PLEKHG1: variants seen among roughly 807,000 people sequenced by gnomAD.
PLEKHG1 encodes pleckstrin homology domain-containing family G member 1.
A neutral mutation model predicts 100.8 loss-of-function variants in PLEKHG1; 44 were observed. That is an observed-to-expected ratio of 0.44 (90% confidence interval 0.34 to 0.56). The LOEUF is 0.56. Among genes scored for constraint, PLEKHG1 ranks in the 20% least tolerant of loss-of-function variants. PLEKHG1 has a pLI of 0.01. For missense variants in PLEKHG1, 1,545 were observed against 1,720.9 expected, an observed-to-expected ratio of 0.90 and a Z score of 1.81; for synonymous variants, 640 against 662.5, an observed-to-expected ratio of 0.97 and a Z score of 0.52.
rs577689445 is a variant in PLEKHG1 at position 150,631,926 on chromosome 6, C to G, written c.-203-6154C>G. Among the ~76,000 whole-genome samples the G allele has an allele frequency of 1.4e-3, 209 of 152,248 alleles. 1 individual carries two copies. The highest frequency in any genetic ancestry group is 4.6e-3 in the African/African-American group (193 of 41,558). On this transcript the variant is annotated intron_variant, in intron 1 of 3. Transcript: ENST00000367326. ...CCTTCCTGCTAGTGCTGTCCTGCCC[C>G]GGGGGCTGGCTGGCTGCTTCCTCGG...
At chr6:150,789,946 G>A (rs1004397920) in intron 4 of PLEKHG1, among the ~76,000 whole-genome samples, 12 of 152,180 alleles carry the variant, frequency 7.9e-5, no homozygotes, top group African/African-American at 2.7e-4. Flanking sequence ...TCCTGGGGAT[G>A]GTCATTGCCA....
intron 1 of PLEKHG1, among the ~76,000 whole-genome samples, chr6:150,724,395 T>A (rs1046931640): frequency 3.3e-5 from 5 of 152,114 alleles, no homozygotes; most frequent in Admixed American, 6.5e-5. Context: ...TAACAGTCCC[T>A]CTCTGAGTGG....
At position 150,616,850 on chromosome 6, in the gene PLEKHG1, T is replaced by C. The variant is rs577070239; in HGVS notation, c.-204+16833T>C. Reference sequence around the variant, plus strand: ...GAGGTGTACTAATCAGACTCCTGTTTGAAAGACTGAATTTGTTAAAGAAAT... The same window carrying C: ...GAGGTGTACTAATCAGACTCCTGTTCGAAAGACTGAATTTGTTAAAGAAAT... On this transcript the variant is annotated intron_variant, in intron 1 of 3. Coordinates refer to the PLEKHG1 transcript ENST00000367326. Among the ~76,000 whole-genome samples, 11 of 152,316 alleles carry C rather than the reference T, an allele frequency of 7.2e-5. No individual in the cohort carries two copies. In the East Asian group the frequency reaches 2.1e-3, roughly 29 times the overall value.
chr6:150,797,884 AG>A (rs1434795673), intron 5 of PLEKHG1, among the ~76,000 whole-genome samples: 1 of 142,788 alleles, frequency 7.0e-6, no homozygotes, highest in Non-Finnish European at 1.5e-5. Flanking sequence ...CCAAGAAGCT[AG>A]AAGTTTAGAG....
intron 2 of PLEKHG1, among the ~76,000 whole-genome samples, chr6:150,766,510 G>C (rs893138956): frequency 6.6e-6 from 1 of 152,358 alleles, no homozygotes; most frequent in East Asian, 1.9e-4. Context: ...ATGTACTTAT[G>C]ATCAGTGGGG....
chr6:150,644,707 T>G (rs1325504372), intron 2 of PLEKHG1, among the ~76,000 whole-genome samples: 1 of 152,162 alleles, frequency 6.6e-6, no homozygotes, highest in African/African-American at 2.4e-5. Flanking sequence ...GTTAGTAATA[T>G]CCTTTCTAGA....
At chr6:150,828,210 AGT>A (rs1776722224) in intron 14 of PLEKHG1, 1 of 1,444,448 alleles carries the variant, frequency 6.9e-7, no homozygotes, top group African/African-American at 1.4e-5. Context: ...TGGTCCTCTG[AGT>A]GTTTGGCGGC....
intron 1 of PLEKHG1, among the ~76,000 whole-genome samples, chr6:150,634,660 A>G (rs1262476551): frequency 1.3e-5 from 2 of 152,272 alleles, no homozygotes; most frequent in African/African-American, 4.8e-5. Flanking sequence ...AAATTCAGAC[A>G]TATGGAAAAA....
At chr6:150,616,699 G>A (rs539279745) in intron 1 of PLEKHG1, among the ~76,000 whole-genome samples, 13 of 152,316 alleles carry the variant, frequency 8.5e-5, no homozygotes, top group African/African-American at 2.4e-4. Flanking sequence ...GAGAGGAAAC[G>A]TCTAAAGATG....
At chr6:150,608,429 A>G (rs1026696019) in intron 1 of PLEKHG1, among the ~76,000 whole-genome samples, 1 of 152,220 alleles carries the variant, frequency 6.6e-6, no homozygotes, top group Non-Finnish European at 1.5e-5. Flanking sequence ...CTAACTAGGG[A>G]GTGAACAGGT....
At chr6:150,796,780 T>C (rs1231823236) in intron 5 of PLEKHG1, among the ~76,000 whole-genome samples, 1 of 152,184 alleles carries the variant, frequency 6.6e-6, no homozygotes, top group Non-Finnish European at 1.5e-5. Flanking sequence ...GAGGCTCTGA[T>C]AGGTAAGGTG....
chr6:150,822,089 C>T (rs1776333535), intron 13 of PLEKHG1, among the ~76,000 whole-genome samples: 1 of 147,120 alleles, frequency 6.8e-6, no homozygotes, highest in African/African-American at 2.5e-5. Flanking sequence ...GATCCACCCG[C>T]CTTGGCCTCC....
chr6:150,641,093 C>G (rs1778238482), intron 2 of PLEKHG1, among the ~76,000 whole-genome samples: 1 of 152,060 alleles, frequency 6.6e-6, no homozygotes, highest in African/African-American at 2.4e-5. Flanking sequence ...GCCAAATGCC[C>G]CCACTATTAG....
intron 3 of PLEKHG1, among the ~76,000 whole-genome samples, chr6:150,705,382 A>C (rs1458280617): frequency 6.6e-6 from 1 of 152,284 alleles, no homozygotes; most frequent in Non-Finnish European, 1.5e-5. Context: ...GCAGAAAAGC[A>C]CAAGAATCCC....
chr6:150,657,661 C>T (rs1779021838), intron 3 of PLEKHG1, among the ~76,000 whole-genome samples: 1 of 152,160 alleles, frequency 6.6e-6, no homozygotes, highest in East Asian at 1.9e-4. Context: ...GCAAGTTATT[C>T]ACTTGTTATA....
In PLEKHG1 at chr6:150,728,693, C is replaced by T. The variant is rs994184047; in HGVS notation, c.-98-4891C>T. ...CGGGTAGATCACGAGGTCAGGAGTT[C>T]GAGACCAGCCTGGCCAACATGGTGA... On this transcript the variant is annotated intron_variant, in intron 1 of 15. Coordinates refer to ENST00000358517, the Ensembl canonical transcript of PLEKHG1. 2.0e-5 allele frequency among the ~76,000 whole-genome samples: 3 copies of T among 151,986 alleles called. No individual in the cohort carries two copies. The South Asian group carries it at 6.2e-4, about 32-fold the overall frequency.
intron 15 of PLEKHG1, among the ~76,000 whole-genome samples, chr6:150,837,500 A>G (rs1256052825): frequency 1.3e-5 from 2 of 152,262 alleles, no homozygotes; most frequent in Non-Finnish European, 2.9e-5. Flanking sequence ...ACAAGACTTA[A>G]TGGTTAAATT....
At chr6:150,713,265 C>T (rs1355936849) in intron 3 of PLEKHG1, among the ~76,000 whole-genome samples, 1 of 151,942 alleles carries the variant, frequency 6.6e-6, no homozygotes, top group Non-Finnish European at 1.5e-5. Context: ...GCCTTCATTG[C>T]CTTCTTTAGT....
At chr6:150,647,017 G>A (rs186689271) in intron 2 of PLEKHG1, among the ~76,000 whole-genome samples, 21 of 152,248 alleles carry the variant, frequency 1.4e-4, no homozygotes, top group African/African-American at 4.6e-4. Flanking sequence ...CAAAGTTCAT[G>A]TGTTTTACTC....
Sources: gnomAD v4.1 joint callset for allele counts (sites outside exome capture counted in the v4.1 genomes callset) on GRCh38, gnomAD v4.1.1 for gene constraint, MANE v1.5 for transcripts, NCBI Gene and HGNC (gene_info 2026-07-23, HGNC 2026-07-21) for gene names.